PTPRM: variants seen among roughly 807,000 people sequenced by gnomAD.
PTPRM encodes the protein protein tyrosine phosphatase receptor type M, also known as receptor-type tyrosine-protein phosphatase mu.
In PTPRM, 47 loss-of-function variants were observed where a neutral mutation model predicts 186.7. The observed-to-expected ratio is 0.25, with a 90% CI of 0.20 to 0.32. PTPRM has a LOEUF of 0.32. Ranked by LOEUF, PTPRM falls within the 10% of genes least tolerant of loss-of-function variation. The pLI, the probability that PTPRM is intolerant of heterozygous loss-of-function variation, is 1.00. For synonymous variants in PTPRM, 668 were observed against 674.9 expected (o/e 0.99, Z 0.16); for missense variants, 1,494 against 1,865.0 (o/e 0.80, Z 3.66).
At chr18:7,643,671 CT>C (rs1245492603) in intron 1 of PTPRM, among the ~76,000 whole-genome samples, 1 of 152,038 alleles carries the variant, frequency 6.6e-6, no homozygotes, top group Non-Finnish European at 1.5e-5. Context: ...TGAATTTCTT[CT>C]CTATTTTTTT....
chr18:8,289,077 G>A (rs181573976), intron 19 of PTPRM, among the ~76,000 whole-genome samples: 8 of 152,196 alleles, frequency 5.3e-5, no homozygotes, highest in African/African-American at 1.2e-4. Flanking sequence ...AAATGGAGGC[G>A]CACTAAGTTC....
At chr18:7,666,050 A>G (rs1169114685) in intron 1 of PTPRM, among the ~76,000 whole-genome samples, 2 of 152,222 alleles carry the variant, frequency 1.3e-5, no homozygotes, top group African/African-American at 4.8e-5. Context: ...TAGGAGAAAG[A>G]CATGCCATCA....
intron 2 of PTPRM, among the ~76,000 whole-genome samples, chr18:7,793,483 C>T (rs1217631153): frequency 1.3e-5 from 2 of 148,334 alleles, no homozygotes; most frequent in African/African-American, 2.6e-5. Context: ...TATGTTTTCT[C>T]TTAAATTTTT....
intron 23 of PTPRM, among the ~76,000 whole-genome samples, chr18:8,361,552 C>T (rs1168770363): frequency 1.3e-5 from 2 of 152,208 alleles, no homozygotes; most frequent in African/African-American, 4.8e-5. Flanking sequence ...CAACTTCATA[C>T]AGCTAGTTAA....
At chr18:7,606,951 T>G (rs774452811) in intron 1 of PTPRM, among the ~76,000 whole-genome samples, 1 of 152,100 alleles carries the variant, frequency 6.6e-6, no homozygotes, top group East Asian at 1.9e-4. Context: ...TATTGGAAGT[T>G]GCCTGACTCC....
intron 14 of PTPRM, among the ~76,000 whole-genome samples, chr18:8,233,477 A>G (rs2094310814): frequency 6.6e-6 from 1 of 152,176 alleles, no homozygotes; most frequent in South Asian, 2.1e-4. Context: ...TGAGGCATCA[A>G]GGTCTCTGGC....
At chr18:8,095,924 T>C (rs2090995197) in intron 11 of PTPRM, among the ~76,000 whole-genome samples, 1 of 152,144 alleles carries the variant, frequency 6.6e-6, no homozygotes, top group African/African-American at 2.4e-5. Flanking sequence ...TATATAAATA[T>C]TTTTAAACCC....
intron 3 of PTPRM, among the ~76,000 whole-genome samples, chr18:7,901,619 C>T (rs1214405644): frequency 6.6e-6 from 1 of 152,154 alleles, no homozygotes; most frequent in African/African-American, 2.4e-5. Flanking sequence ...TCACCTTGGC[C>T]TCCCAAAGTG....
chr18:8,159,688 G>A (rs1422361169), intron 14 of PTPRM, among the ~76,000 whole-genome samples: 1 of 152,008 alleles, frequency 6.6e-6, no homozygotes, highest in Admixed American at 6.6e-5. Context: ...GAATGATCTG[G>A]GTACCATATG....
chr18:8,238,064 T>C (rs1443488654), intron 14 of PTPRM, among the ~76,000 whole-genome samples: 2 of 152,196 alleles, frequency 1.3e-5, no homozygotes, highest in African/African-American at 4.8e-5. Context: ...TTCCTGGATC[T>C]GTGGTTTCAT....
intron 7 of PTPRM, among the ~76,000 whole-genome samples, chr18:7,994,684 C>T (rs1174213199): frequency 6.6e-6 from 1 of 151,758 alleles, no homozygotes; most frequent in East Asian, 1.9e-4. Flanking sequence ...ATGTTGGAAC[C>T]TGGAAAAAAT....
intron 22 of PTPRM, among the ~76,000 whole-genome samples, chr18:8,321,227 T>C (rs1249086445): frequency 6.6e-6 from 1 of 152,194 alleles, no homozygotes; most frequent in African/African-American, 2.4e-5. Context: ...CCGAGCTTCA[T>C]TTCTCTCCAA....
intron 2 of PTPRM, among the ~76,000 whole-genome samples, chr18:7,796,743 A>G (rs1162092258): frequency 6.6e-6 from 1 of 152,210 alleles, no homozygotes; most frequent in Non-Finnish European, 1.5e-5. Context: ...CCGTATCGCC[A>G]TAACACAATG....
In PTPRM at chr18:7,949,193, C is replaced by A; in HGVS notation, c.676C>A (p.Arg226=). Residue 226 remains arginine (R), a synonymous_variant, in exon 6 of 33, where the codon CGA becomes AGA. Transcript: ENST00000580170. ...CCACTTGATACAGGGCATTGATGTGCGAGATGCTCCTCTGAAGGAAATCAA... is the reference window on the plus strand; with the variant it reads ...CCACTTGATACAGGGCATTGATGTGAGAGATGCTCCTCTGAAGGAAATCAA... ...DRLWLQGIDV[R]DAPLKEIKVT... is the part of the protein sequence containing the mutation. The A allele has an allele frequency of 2.5e-6, 4 of 1,605,962 alleles. No homozygotes were observed. The highest frequency in any genetic ancestry group is 1.7e-4 in the Middle Eastern group (1 of 6,040).
chr18:8,087,047 A>G (rs890261940), intron 10 of PTPRM, among the ~76,000 whole-genome samples: 6 of 152,080 alleles, frequency 3.9e-5, no homozygotes, highest in African/African-American at 1.4e-4. Flanking sequence ...TGGACTTGGA[A>G]TCAAAAAATC....
Position 8,379,287 on chromosome 18 carries a change from C to T in PTPRM, c.3733C>T (p.Leu1245Phe), listed in dbSNP as rs148041950. ...ILPPDRCLPF[L>F]ITIDGESSNY... is the part of the protein sequence containing the mutation. ...GCCCCCAGACCGCTGCCTGCCCTTC[C>T]TCATCACCATCGATGGGGAGAGCAG... The change falls in exon 28 of 33, where the codon CTC (leucine) becomes TTC (phenylalanine). Residue 1245 changes from leucine (L) to phenylalanine (F), a missense_variant. Coordinates refer to ENST00000580170, the MANE Select transcript of PTPRM (RefSeq NM_001105244.2). 5.0e-6 allele frequency: 8 copies of T among 1,613,996 alleles called. No individual in the cohort carries two copies. The highest frequency in any genetic ancestry group is 1.3e-5 in the African/African-American group (1 of 74,922).
chr18:8,246,043 A>C (rs902819051), intron 15 of PTPRM, among the ~76,000 whole-genome samples: 2 of 152,204 alleles, frequency 1.3e-5, no homozygotes, highest in Admixed American at 6.5e-5. Context: ...ACACAGCAGT[A>C]GACTTTCCAT....
chr18:8,064,541 T>G (rs1029742226), intron 7 of PTPRM, among the ~76,000 whole-genome samples: 1 of 152,188 alleles, frequency 6.6e-6, no homozygotes, highest in Non-Finnish European at 1.5e-5. Context: ...GTGAAAACTA[T>G]TAATGTGATA....
chr18:8,289,537 CATAT>C (rs375355209), intron 19 of PTPRM, among the ~76,000 whole-genome samples: 13,240 of 93,542 alleles, frequency 0.14, 1,222 homozygotes, highest in African/African-American at 0.16. Context: ...TATATATACA[CATAT>C]ATATATATAC....
Sources: gnomAD v4.1 joint callset for allele counts (sites outside exome capture counted in the v4.1 genomes callset) on GRCh38, gnomAD v4.1.1 for gene constraint, MANE v1.5 for transcripts, NCBI Gene and HGNC (gene_info 2026-07-23, HGNC 2026-07-21) for gene names.